Variants in GLS2 observed in about 807,000 individuals in gnomAD.
GLS2 encodes the protein glutaminase liver isoform, mitochondrial.
A neutral mutation model predicts 79.0 loss-of-function variants in GLS2; 52 were observed. That is an observed-to-expected ratio of 0.66 (90% CI 0.53 to 0.83). The LOEUF (loss-of-function observed/expected upper bound fraction) is 0.83, where lower values mean the gene tolerates loss of function less well. Ranked by LOEUF, GLS2 falls within the 40% of genes least tolerant of loss-of-function variation. The probability of loss-of-function intolerance (pLI) is 0.00; values close to 1 mark genes in which losing one functional copy is unlikely to be tolerated. For missense variants in GLS2, 561 were observed against 764.8 expected (o/e 0.73, Z 3.14); for synonymous variants, 238 against 280.8 (o/e 0.85, Z 1.52).
At position 56,479,047 on chromosome 12, in the gene GLS2, C is replaced by T. The variant is rs769494122; in HGVS notation, c.534+5G>A. On this transcript the variant is annotated splice_donor_5th_base_variant and intron_variant, in intron 4 of 17. Transcript: ENST00000311966. ...TGACCCCTCCCTTAGTCCCCTGACTCTCACTTTGCCTCCAGTGAGCTCTTT... is the reference window on the plus strand; with the variant it reads ...TGACCCCTCCCTTAGTCCCCTGACTTTCACTTTGCCTCCAGTGAGCTCTTT... The T allele has an allele frequency of 2.5e-6, 4 of 1,612,906 alleles. No individual in the cohort carries two copies. The highest frequency in any genetic ancestry group is 3.4e-6 in the Non-Finnish European group (4 of 1,179,440).
At chr12:56,478,145 T>C in intron 5 of GLS2, 38 bp downstream of exon 5, 1 of 1,614,148 alleles carries the variant, frequency 6.2e-7, no homozygotes, top group East Asian at 2.2e-5. Context: ...GTTCGGCACC[T>C]GTGCCCTGCC....
intron 1 of GLS2, among the ~76,000 whole-genome samples, chr12:56,484,926 T>C (rs1870565489): frequency 6.6e-6 from 1 of 152,190 alleles, no homozygotes; most frequent in Non-Finnish European, 1.5e-5. Context: ...ATTAATGACA[T>C]CAAATTATCT....
intron 1 of GLS2, among the ~76,000 whole-genome samples, chr12:56,483,613 T>A (rs867578725): frequency 6.6e-6 from 1 of 151,942 alleles, no homozygotes; most frequent in Non-Finnish European, 1.5e-5. Flanking sequence ...GTATTTATGT[T>A]TGTTTGTTTG....
At chr12:56,472,406 C>T (rs1302787472) in intron 15 of GLS2, 3 of 607,592 alleles carry the variant, frequency 4.9e-6, no homozygotes, top group Non-Finnish European at 8.7e-6. Flanking sequence ...CCAGAAATAT[C>T]ACTCACTGCC....
intron 1 of GLS2, among the ~76,000 whole-genome samples, chr12:56,486,298 G>A (rs1870681229): frequency 6.6e-6 from 1 of 152,176 alleles, no homozygotes; most frequent in Admixed American, 6.5e-5. Context: ...CACTGGATAA[G>A]GAGGTGTGTG....
intron 3 of GLS2, chr12:56,479,463 C>G (rs1255696540): frequency 5.1e-6 from 2 of 390,750 alleles, no homozygotes; most frequent in Admixed American, 4.2e-5. Context: ...TTAAAAAATC[C>G]TAAATCATAA....
At chr12:56,474,028 G>T (rs1391115452) in intron 12 of GLS2, 1 of 178,856 alleles carries the variant, frequency 5.6e-6, no homozygotes, top group Non-Finnish European at 1.2e-5. Flanking sequence ...AGACCCCAAG[G>T]AGAAGAGCCA....
chr12:56,486,488 A>G (rs1448225026), intron 1 of GLS2, among the ~76,000 whole-genome samples: 1 of 152,148 alleles, frequency 6.6e-6, no homozygotes, highest in Non-Finnish European at 1.5e-5. Flanking sequence ...GTGTCTCTTT[A>G]AGAAGAAGCT....
At position 56,487,976 on chromosome 12, in the gene GLS2, C is replaced by G; in HGVS notation, c.143G>C (p.Arg48Thr). 6.2e-7 allele frequency: 1 copy of G among 1,602,548 alleles called. No individual in the cohort carries two copies. The highest frequency in any genetic ancestry group is 8.5e-7 in the Non-Finnish European group (1 of 1,179,614). Reference protein sequence around the residue: ...HHLSEAAAQGRETPHSHQPQH... With the variant: ...HHLSEAAAQGTETPHSHQPQH... ...CGGCTGGTGGCTGTGTGGCGTCTCTCTGCCCTGCGCCGCGGCCTCACTGAG... is the reference window on the plus strand; with the variant it reads ...CGGCTGGTGGCTGTGTGGCGTCTCTGTGCCCTGCGCCGCGGCCTCACTGAG... The change falls in exon 1 of 18, where the codon AGA becomes ACA. Residue 48 changes from arginine to threonine, a missense_variant. Coordinates refer to ENST00000311966, the MANE Select transcript of GLS2 (RefSeq NM_013267.4).
chr12:56,479,767 C>T lies in GLS2; in HGVS notation c.404+13G>A. The stretch of plus-strand genomic sequence containing the variant: ...TTTTCAGAGAGCAGTGCCCTTGTTT[C>T]TGGGGCCCTCACTTTCGGAAGAGAT... On this transcript the variant is annotated intron_variant, in intron 3 of 17. Transcript: ENST00000311966. The T allele has an allele frequency of 3.8e-6, 6 of 1,590,696 alleles. No homozygotes were observed. The highest frequency in any genetic ancestry group is 3.4e-6 in the Non-Finnish European group (4 of 1,164,630).
chr12:56,474,988 C>G, intron 10 of GLS2, 56 bp downstream of exon 10: 1 of 1,613,892 alleles, frequency 6.2e-7, no homozygotes, highest in Non-Finnish European at 8.5e-7. Flanking sequence ...CCCCTACTGC[C>G]CTTCCACTAG....
At chr12:56,482,033 C>T (rs997241109) in intron 1 of GLS2, among the ~76,000 whole-genome samples, 1 of 152,132 alleles carries the variant, frequency 6.6e-6, no homozygotes, top group Non-Finnish European at 1.5e-5. Flanking sequence ...GAGTTCGAGA[C>T]CAGACTGACC....
chr12:56,481,244 C>G (rs898274420), intron 1 of GLS2, among the ~76,000 whole-genome samples: 1 of 113,682 alleles, frequency 8.8e-6, no homozygotes, highest in African/African-American at 3.3e-5. Flanking sequence ...CTGGTTCTGT[C>G]GCCCAGGCTG....
chr12:56,479,265 A>C (rs1870092607), intron 3 of GLS2, 84 bp from the exon 4 acceptor site: 5 of 1,543,418 alleles, frequency 3.2e-6, no homozygotes, highest in Non-Finnish European at 4.4e-6. Flanking sequence ...GGGAATAAAG[A>C]AGGTTGAGTG....
rs981808916 is a variant in GLS2 at position 56,473,247 on chromosome 12, C to T, written c.1430G>A (p.Arg477His). The T allele has an allele frequency of 3.1e-6, 5 of 1,613,962 alleles. No individual in the cohort carries two copies. Among genetic ancestry groups the T allele is most frequent in the Middle Eastern group, 1.6e-4 (1 of 6,084 alleles). The stretch of plus-strand genomic sequence containing the variant: ...CCTTACCCGAATTTCTGCCCCTTCA[C>T]GCCGTGGGTCTAACTTCCGAGCACA... The part of the protein sequence containing the change: ...RHCARKLDPR[R>H]EGAEIRNKTV... Residue 477 changes from arginine to histidine, a missense_variant, in exon 14 of 18, where the codon CGT becomes CAT. This residue lies in a region of GLS2 where 136 missense variants were observed against 228.6 expected (regional missense o/e 0.59). Coordinates refer to ENST00000311966, the MANE Select transcript of GLS2 (RefSeq NM_013267.4).
At chr12:56,479,678 G>T in intron 3 of GLS2, 102 bp downstream of exon 3, 1 of 1,277,486 alleles carries the variant, frequency 7.8e-7, no homozygotes, top group Non-Finnish European at 1.0e-6. Context: ...AAAATAAAAT[G>T]AGGAATTGAA....
rs867842819 is a variant in GLS2, at chr12:56,478,804, C to A, written c.534+248G>T. 9 of 400,614 alleles carry A rather than the reference C, an allele frequency of 2.2e-5. No individual in the cohort carries two copies. The Middle Eastern group carries it at 2.2e-3, about 98-fold the overall frequency. The allele number at this position is 400,614 out of a possible 1,614,324, so 24.8% of individuals were successfully genotyped here. ...GATCAGGAGTTCGAGACCAGCCTGG[C>A]CAATATGGCAAAACCCCATCTCTAC... On this transcript the variant is annotated intron_variant, in intron 4 of 17. Transcript: ENST00000311966.
At chr12:56,480,558 T>G (rs1029361415) in intron 1 of GLS2, 171 bp from the exon 2 acceptor site, 70 of 600,078 alleles carry the variant, frequency 1.2e-4, no homozygotes, top group Middle Eastern at 9.1e-4. Flanking sequence ...TAAGAAGTTG[T>G]AGATCTTTTC....
intron 15 of GLS2, 130 bp from the exon 16 acceptor site, chr12:56,472,325 C>T: frequency 1.3e-6 from 1 of 756,486 alleles, no homozygotes; most frequent in Non-Finnish European, 2.2e-6. Context: ...TTTGTTGGCT[C>T]TGAATAATCT....
Sources: allele counts gnomAD v4.1 joint callset (sites outside exome capture counted in the v4.1 genomes callset), GRCh38; gene constraint gnomAD v4.1.1; regional missense constraint gnomAD v4.1.1; transcripts MANE v1.5; gene names NCBI Gene and HGNC (gene_info 2026-07-23, HGNC 2026-07-21).